The following NELL1 variants were observed in gnomAD, a reference collection of about 807,000 sequenced individuals.
The protein encoded by NELL1 is protein kinase C-binding protein NELL1.
A neutral mutation model predicts 107.4 loss-of-function variants in NELL1; 76 were observed. The ratio of observed to expected loss-of-function variants is 0.71; its 90% confidence interval spans 0.59 to 0.86. The LOEUF is 0.86. Ranked by LOEUF, NELL1 falls within the 40% of genes least tolerant of loss-of-function variation. The pLI is 0.00. For synonymous variants in NELL1, 353 were observed against 341.2 expected, an observed-to-expected ratio of 1.03 and a Z score of -0.38; for missense variants, 1,024 against 1,005.5, an observed-to-expected ratio of 1.02 and a Z score of -0.25.
At chr11:21,425,582 C>A (rs1852800524) in intron 15 of NELL1, among the ~76,000 whole-genome samples, 1 of 151,954 alleles carries the variant, frequency 6.6e-6, no homozygotes, top group Non-Finnish European at 1.5e-5. Context: ...GGTAGTGAAC[C>A]AAGGAATGCA....
intron 14 of NELL1, among the ~76,000 whole-genome samples, chr11:21,272,098 G>A (rs908018933): frequency 2.6e-5 from 4 of 152,212 alleles, no homozygotes; most frequent in African/African-American, 9.6e-5. Context: ...CCGAAGCAGG[G>A]CAAGGCATCG....
chr11:21,066,932 C>T (rs190930523), intron 12 of NELL1, among the ~76,000 whole-genome samples: 204 of 151,044 alleles, frequency 1.4e-3, no homozygotes, highest in African/African-American at 4.4e-3. Context: ...CCAGCCTGAG[C>T]GACAGAGCGA....
chr11:21,389,078 C>T (rs1851811670), intron 15 of NELL1, among the ~76,000 whole-genome samples: 1 of 151,822 alleles, frequency 6.6e-6, no homozygotes, highest in South Asian at 2.1e-4. Flanking sequence ...AGAACCTTAT[C>T]ATACTCTTCA....
At chr11:21,547,584 C>T (rs79896886) in intron 16 of NELL1, among the ~76,000 whole-genome samples, 26 of 151,944 alleles carry the variant, frequency 1.7e-4, no homozygotes, top group East Asian at 9.8e-4. Context: ...CACATAATTA[C>T]GCAAATGTAG....
intron 2 of NELL1, among the ~76,000 whole-genome samples, chr11:20,719,905 T>A (rs78057500): frequency 6.6e-6 from 1 of 151,966 alleles, no homozygotes; most frequent in Non-Finnish European, 1.5e-5. Context: ...ACCAGACTGT[T>A]AGTCACTTTT....
intron 13 of NELL1, among the ~76,000 whole-genome samples, chr11:21,226,912 G>A (rs905250208): frequency 8.5e-5 from 13 of 152,108 alleles, no homozygotes; most frequent in African/African-American, 2.2e-4. Flanking sequence ...GTGGGTCAAC[G>A]AAACAACATG....
chr11:20,701,576 C>G (rs1168729402), intron 2 of NELL1, among the ~76,000 whole-genome samples: 2 of 152,096 alleles, frequency 1.3e-5, no homozygotes, highest in Non-Finnish European at 2.9e-5. Flanking sequence ...GACATGAAGT[C>G]CTTGCCCATG....
chr11:21,463,323 G>T (rs1853946334), intron 15 of NELL1, among the ~76,000 whole-genome samples: 1 of 152,034 alleles, frequency 6.6e-6, no homozygotes, highest in Admixed American at 6.6e-5. Flanking sequence ...CAATTTAAAT[G>T]AATTTATTTG....
At chr11:20,884,873 T>C (rs77606181) in intron 4 of NELL1, among the ~76,000 whole-genome samples, 5,766 of 152,282 alleles carry the variant, frequency 0.038, 373 homozygotes, top group African/African-American at 0.13. Context: ...ATTTGTTGGT[T>C]GGACGATGAC....
intron 17 of NELL1, among the ~76,000 whole-genome samples, chr11:21,564,650 C>CGT (rs1564963478): frequency 6.6e-6 from 1 of 151,768 alleles, no homozygotes; most frequent in African/African-American, 2.4e-5. Context: ...ATCGTGAAAA[C>CGT]AAAGTAATAC....
At chr11:21,448,922 C>T (rs1428521614) in intron 15 of NELL1, among the ~76,000 whole-genome samples, 2 of 152,050 alleles carry the variant, frequency 1.3e-5, no homozygotes, top group Non-Finnish European at 2.9e-5. Flanking sequence ...AATAGTATTC[C>T]ATTGTATGGC....
chr11:21,505,016 T>A lies in NELL1; in HGVS notation c.1646-29358T>A, dbSNP rs34872940. On this transcript the variant is annotated intron_variant, in intron 15 of 19. Coordinates refer to ENST00000357134, the MANE Select transcript of NELL1 (RefSeq NM_006157.5). ...TTTTCCCCCTTTTTTATTGTTTAGT[T>A]TGAATGAAGTGAAATATTTGTTTTA... Among the ~76,000 whole-genome samples, 801 of 152,308 alleles carry A rather than the reference T, an allele frequency of 5.3e-3. 4 individuals carry two copies. Among genetic ancestry groups the A allele is most frequent in the Middle Eastern group, 0.024 (7 of 294 alleles).
intron 5 of NELL1, among the ~76,000 whole-genome samples, chr11:20,886,532 G>A (rs535670769): frequency 6.6e-6 from 1 of 151,830 alleles, no homozygotes; most frequent in Non-Finnish European, 1.5e-5. Flanking sequence ...TATATGGAGG[G>A]GAGAGAAAGC....
At chr11:20,801,263 C>A (rs1038718167) in intron 3 of NELL1, among the ~76,000 whole-genome samples, 2 of 152,198 alleles carry the variant, frequency 1.3e-5, no homozygotes, top group African/African-American at 4.8e-5. Context: ...AGACTTCTAG[C>A]CTACTTCTGT....
intron 3 of NELL1, among the ~76,000 whole-genome samples, chr11:20,839,102 A>G (rs1164393949): frequency 6.6e-6 from 1 of 151,794 alleles, no homozygotes; most frequent in Admixed American, 6.6e-5. Flanking sequence ...TTATTTTTCT[A>G]TCTTAACTTG....
chr11:20,741,072 C>G (rs1855879178), intron 2 of NELL1, among the ~76,000 whole-genome samples: 1 of 152,062 alleles, frequency 6.6e-6, no homozygotes, highest in Admixed American at 6.6e-5. Context: ...TCCTTTACTT[C>G]TTTCTGGCCC....
At chr11:21,128,724 G>A (rs1283298633) in intron 13 of NELL1, among the ~76,000 whole-genome samples, 1 of 152,182 alleles carries the variant, frequency 6.6e-6, no homozygotes, top group Non-Finnish European at 1.5e-5. Context: ...CCCAGCCAGG[G>A]GAGTGTGGTA....
chr11:20,962,781 T>C (rs553905736), intron 12 of NELL1, among the ~76,000 whole-genome samples: 6 of 152,238 alleles, frequency 3.9e-5, no homozygotes, highest in South Asian at 4.1e-4. Context: ...GTATGCATTG[T>C]GGTGCTATTG....
At chr11:21,105,770 C>T (rs1413513752) in intron 12 of NELL1, among the ~76,000 whole-genome samples, 1 of 140,562 alleles carries the variant, frequency 7.1e-6, no homozygotes, top group Non-Finnish European at 1.5e-5. Context: ...TATATCATTA[C>T]CTCTCCCCTC....
Sources: gnomAD v4.1 joint callset for allele counts (sites outside exome capture counted in the v4.1 genomes callset) on GRCh38, gnomAD v4.1.1 for gene constraint, MANE v1.5 for transcripts, NCBI Gene and HGNC (gene_info 2026-07-23, HGNC 2026-07-21) for gene names.